Variants in KHDRBS2 observed in about 807,000 individuals in gnomAD.
KHDRBS2 encodes KH domain-containing, RNA-binding, signal transduction-associated protein 2.
In KHDRBS2, 26 loss-of-function variants were observed where a neutral mutation model predicts 44.3. The observed-to-expected ratio is 0.59, with a 90% CI of 0.43 to 0.81. The LOEUF (loss-of-function observed/expected upper bound fraction) is 0.81, where lower values mean the gene tolerates loss of function less well. Ranked by LOEUF, KHDRBS2 falls within the 40% of genes least tolerant of loss-of-function variation. KHDRBS2 has a pLI of 0.00. For missense variants in KHDRBS2, 476 were observed against 433.1 expected, an observed-to-expected ratio of 1.10 and a Z score of -0.88; for synonymous variants, 194 against 151.1, an observed-to-expected ratio of 1.28 and a Z score of -2.08.
chr6:61,741,565 C>T (rs1342514815), intron 6 of KHDRBS2, among the ~76,000 whole-genome samples: 18 of 151,818 alleles, frequency 1.2e-4, no homozygotes, highest in Admixed American at 1.2e-3. Flanking sequence ...ATAAATAGCC[C>T]TATCACCCAG....
At chr6:62,107,340 AC>A (rs1338713089) in intron 2 of KHDRBS2, among the ~76,000 whole-genome samples, 1 of 152,226 alleles carries the variant, frequency 6.6e-6, no homozygotes, top group East Asian at 1.9e-4. Flanking sequence ...ACTCCCATTC[AC>A]AATTACTTCA....
At chr6:61,811,501 T>C (rs903378084) in intron 6 of KHDRBS2, among the ~76,000 whole-genome samples, 3 of 152,146 alleles carry the variant, frequency 2.0e-5, no homozygotes, top group Non-Finnish European at 4.4e-5. Context: ...GGTACTTCTA[T>C]TTTAAGTTCT....
the KHDRBS2 span, among the ~76,000 whole-genome samples, chr6:61,628,654 C>T: frequency 6.6e-6 from 1 of 152,152 alleles, no homozygotes; most frequent in Non-Finnish European, 1.5e-5. Context: ...AGTTCCATCT[C>T]TGCTGTGTGT....
intron 1 of KHDRBS2, among the ~76,000 whole-genome samples, chr6:62,219,689 A>AC (rs1830561354): frequency 6.6e-6 from 1 of 150,870 alleles, no homozygotes; most frequent in African/African-American, 2.4e-5. Flanking sequence ...CACTATAGTT[A>AC]CATAAGAGAA....
intron 2 of KHDRBS2, among the ~76,000 whole-genome samples, chr6:62,122,995 C>A (rs1808059286): frequency 6.6e-6 from 1 of 152,060 alleles, no homozygotes; most frequent in Non-Finnish European, 1.5e-5. Flanking sequence ...TGGTTTGCTG[C>A]ACCCATCAAC....
intron 4 of KHDRBS2, among the ~76,000 whole-genome samples, chr6:61,968,688 A>G (rs1385867493): frequency 6.6e-6 from 1 of 152,042 alleles, no homozygotes; most frequent in Non-Finnish European, 1.5e-5. Flanking sequence ...CCTGCAAGTT[A>G]CTTATTTAGT....
At chr6:61,599,961 T>C in the KHDRBS2 span, among the ~76,000 whole-genome samples, 1 of 151,996 alleles carries the variant, frequency 6.6e-6, no homozygotes, top group Non-Finnish European at 1.5e-5. Context: ...AAGGAAAAAA[T>C]AAAGACTATT....
the KHDRBS2 span, among the ~76,000 whole-genome samples, chr6:61,641,939 T>C: frequency 1.3e-5 from 2 of 152,202 alleles, no homozygotes; most frequent in East Asian, 1.9e-4. Context: ...TTCTTTGTTT[T>C]GTCACATTTA....
chr6:61,683,724 A>AAAGT (rs1233679992), intron 8 of KHDRBS2, among the ~76,000 whole-genome samples: 1 of 151,930 alleles, frequency 6.6e-6, no homozygotes. Flanking sequence ...TCATTATTAA[A>AAAGT]AAGTACAAAA....
At chr6:61,773,499 T>C (rs1449598161) in intron 6 of KHDRBS2, among the ~76,000 whole-genome samples, 2 of 152,130 alleles carry the variant, frequency 1.3e-5, no homozygotes. Context: ...GTTTGTTTTT[T>C]TCTTGTAAAT....
chr6:62,011,338 A>G (rs1780245464), intron 3 of KHDRBS2, among the ~76,000 whole-genome samples: 2 of 152,196 alleles, frequency 1.3e-5, no homozygotes, highest in Admixed American at 1.3e-4. Context: ...AATCAACACT[A>G]GAAAGCAATA....
Position 61,978,426 on chromosome 6 carries a change from C to T in KHDRBS2, c.337-214G>A, listed in dbSNP as rs143158792. Among the ~76,000 whole-genome samples, 6 of 151,888 alleles carry T rather than the reference C, an allele frequency of 4.0e-5. No individual in the cohort carries two copies. The South Asian group carries it at 8.3e-4, about 21-fold the overall frequency. On this transcript the variant is annotated intron_variant, in intron 3 of 8. Coordinates refer to ENST00000281156, the MANE Select transcript of KHDRBS2 (RefSeq NM_152688.4). ...TGAGTGTTTGAATGATTTTAAAAACCGGCATAATTATCATCTACAACAGAT... is the reference window on the plus strand; with the variant it reads ...TGAGTGTTTGAATGATTTTAAAAACTGGCATAATTATCATCTACAACAGAT...
At chr6:62,246,926 C>A (rs1835669252) in intron 1 of KHDRBS2, among the ~76,000 whole-genome samples, 2 of 151,982 alleles carry the variant, frequency 1.3e-5, no homozygotes. Flanking sequence ...ATTTATAAAA[C>A]ATGTTGACTG....
At chr6:62,200,843 C>T (rs1328619058) in intron 1 of KHDRBS2, among the ~76,000 whole-genome samples, 1 of 152,064 alleles carries the variant, frequency 6.6e-6, no homozygotes, top group Non-Finnish European at 1.5e-5. Context: ...CCCAAATGTC[C>T]AACAATGATA....
chr6:61,684,566 T>G (rs567038351), intron 8 of KHDRBS2, among the ~76,000 whole-genome samples: 5 of 151,868 alleles, frequency 3.3e-5, no homozygotes, highest in African/African-American at 1.2e-4. Flanking sequence ...TGGTCTAAGA[T>G]GTCATTTAAA....
chr6:62,228,241 T>C (rs1258813926), intron 1 of KHDRBS2, among the ~76,000 whole-genome samples: 7 of 152,198 alleles, frequency 4.6e-5, no homozygotes, highest in Admixed American at 6.5e-5. Context: ...TTATTCCTAA[T>C]TTAGTCTTGG....
At chr6:61,846,063 G>A (rs566763433) in intron 6 of KHDRBS2, among the ~76,000 whole-genome samples, 9 of 152,264 alleles carry the variant, frequency 5.9e-5, no homozygotes, top group African/African-American at 2.2e-4. Flanking sequence ...ACCATGTGAA[G>A]TCCCTGCTCC....
At chr6:61,636,860 T>C in the KHDRBS2 span, among the ~76,000 whole-genome samples, 125,540 of 151,976 alleles carry the variant, frequency 0.83, 52,116 homozygotes, top group Non-Finnish European at 0.87. Context: ...ATCTCATGCA[T>C]AATTTTATTT....
chr6:61,574,841 G>T, the KHDRBS2 span, among the ~76,000 whole-genome samples: 1 of 152,072 alleles, frequency 6.6e-6, no homozygotes, highest in Non-Finnish European at 1.5e-5. Context: ...CTCAGAAATG[G>T]AGCTTGCAGT....
Sources: allele counts gnomAD v4.1 joint callset (sites outside exome capture counted in the v4.1 genomes callset), GRCh38; gene constraint gnomAD v4.1.1; transcripts MANE v1.5; gene names NCBI Gene and HGNC (gene_info 2026-07-23, HGNC 2026-07-21).